KIAA1671: variants seen among roughly 807,000 people sequenced by gnomAD.
KIAA1671 encodes KIAA1671.
KIAA1671 carries 52 observed loss-of-function variants against 131.2 expected under a neutral mutation model. That is an observed-to-expected ratio of 0.40 (90% confidence interval 0.32 to 0.50). The LOEUF is 0.50. KIAA1671 is among the 20% of genes least tolerant of loss of function. KIAA1671 has a pLI of 0.73. For synonymous variants in KIAA1671, 1,003 were observed against 961.6 expected, an observed-to-expected ratio of 1.04 and a Z score of -0.80; for missense variants, 2,360 against 2,364.2, an observed-to-expected ratio of 1.00 and a Z score of 0.04.
chr22:25,121,566 C>T (rs1018436953), intron 6 of KIAA1671, among the ~76,000 whole-genome samples: 1 of 152,094 alleles, frequency 6.6e-6, no homozygotes, highest in East Asian at 1.9e-4. Context: ...TTAACAACCC[C>T]GTCTTCTTGG....
chr22:25,032,162 C>A lies in KIAA1671; in HGVS notation c.1542-447C>A, dbSNP rs1926329961. Among the ~76,000 whole-genome samples, 2 of 152,218 alleles carry A rather than the reference C, an allele frequency of 1.3e-5. 1 individual carries two copies. The highest frequency in any genetic ancestry group is 2.9e-5 in the Non-Finnish European group (2 of 68,044). ...TGGGGGCTGCTCTGAGGTGGGGCTG[C>A]TGTTTTACCTGGCACTGCTAACAAC... On this transcript the variant is annotated intron_variant, in intron 3 of 12. Coordinates refer to ENST00000358431, the MANE Select transcript of KIAA1671 (RefSeq NM_001145206.2).
At chr22:25,104,641 C>A (rs369804181) in intron 6 of KIAA1671, among the ~76,000 whole-genome samples, 12 of 152,312 alleles carry the variant, frequency 7.9e-5, no homozygotes, top group Middle Eastern at 3.4e-3. Context: ...TTCCCTGTGA[C>A]CTTCTTTCCT....
At chr22:25,179,809 C>CT (rs1476826661) in intron 9 of KIAA1671, among the ~76,000 whole-genome samples, 1 of 152,156 alleles carries the variant, frequency 6.6e-6, no homozygotes, top group East Asian at 1.9e-4. Context: ...GCTCGCTGGT[C>CT]TTTTTTCTGT....
intron 9 of KIAA1671, among the ~76,000 whole-genome samples, chr22:25,178,092 C>T (rs1348187655): frequency 2.6e-5 from 4 of 152,094 alleles, no homozygotes; most frequent in Admixed American, 2.6e-4. Flanking sequence ...AGCAAGGGGT[C>T]GGGCAGCAGC....
intron 1 of KIAA1671, among the ~76,000 whole-genome samples, chr22:24,954,203 C>A (rs1483971959): frequency 6.6e-6 from 1 of 152,198 alleles, no homozygotes; most frequent in African/African-American, 2.4e-5. Context: ...TCCCCCCTTG[C>A]AGAGAGAAGC....
chr22:25,014,800 G>A (rs1427719523), intron 1 of KIAA1671: 1 of 152,132 alleles, frequency 6.6e-6, no homozygotes, highest in Non-Finnish European at 1.5e-5. Context: ...GGAGGGGTGA[G>A]GCTCAGCCAG....
At chr22:24,961,723 A>G (rs967806669) in intron 1 of KIAA1671, among the ~76,000 whole-genome samples, 4 of 152,248 alleles carry the variant, frequency 2.6e-5, no homozygotes, top group Non-Finnish European at 5.9e-5. Flanking sequence ...CCTGACATCA[A>G]TGAGTTGAAG....
chr22:25,166,079 A>G (rs534493316), intron 6 of KIAA1671, among the ~76,000 whole-genome samples: 3 of 152,372 alleles, frequency 2.0e-5, no homozygotes, highest in African/African-American at 7.2e-5. Context: ...TGAGAAGCAC[A>G]TACAGGGCGA....
At position 24,994,375 on chromosome 22, in the gene KIAA1671, T is replaced by C. The variant is rs186396869; in HGVS notation, c.-207-31258T>C. Among the ~76,000 whole-genome samples the C allele has an allele frequency of 6.8e-3, 1,028 of 152,252 alleles. 10 individuals are homozygous for C. Among genetic ancestry groups the C allele is most frequent in the African/African-American group, 0.023 (937 of 41,546 alleles). On this transcript the variant is annotated intron_variant, in intron 1 of 12. Coordinates refer to ENST00000358431, the MANE Select transcript of KIAA1671 (RefSeq NM_001145206.2). ...AGGGTGAGATAAGGAGCAGGTTACC[T>C]TGGGGAACAGCTGGGGCTCAGCTGT...
rs189916109 is a variant in KIAA1671, at chr22:25,110,414, A to G, written c.4531-60406A>G. ...ACAGAGCCCTGACTCTGGGCCAGGT[A>G]CCATGTCAGACCTGGGAAAACCTGG... On this transcript the variant is annotated intron_variant, in intron 6 of 12. Transcript: ENST00000358431. 1.4e-3 allele frequency among the ~76,000 whole-genome samples: 212 copies of G among 152,306 alleles called. 2 individuals carry two copies. Among genetic ancestry groups the G allele is most frequent in the Middle Eastern group, 6.8e-3 (2 of 294 alleles).
intron 6 of KIAA1671, among the ~76,000 whole-genome samples, chr22:25,128,694 C>T (rs2145940414): frequency 1.3e-5 from 2 of 152,254 alleles, no homozygotes; most frequent in East Asian, 3.9e-4. Context: ...AGCCCCATCT[C>T]TTTGCACCCC....
At chr22:24,972,369 A>T (rs1922663920) in intron 1 of KIAA1671, among the ~76,000 whole-genome samples, 1 of 152,206 alleles carries the variant, frequency 6.6e-6, no homozygotes, top group East Asian at 1.9e-4. Context: ...TCTTCTGTCT[A>T]CCGTATAGCT....
chr22:24,954,091 A>G (rs1215014892), intron 1 of KIAA1671, among the ~76,000 whole-genome samples: 1 of 152,096 alleles, frequency 6.6e-6, no homozygotes, highest in African/African-American at 2.4e-5. Flanking sequence ...GCCTTACAGT[A>G]TCTAAAGATT....
chr22:25,079,109 C>T (rs940701813), intron 6 of KIAA1671, among the ~76,000 whole-genome samples: 2 of 152,114 alleles, frequency 1.3e-5, no homozygotes, highest in Admixed American at 6.5e-5. Context: ...TGGTGGCAGC[C>T]GATGCTGGTG....
At chr22:25,136,494 G>A (rs188670487) in intron 6 of KIAA1671, among the ~76,000 whole-genome samples, 15 of 152,262 alleles carry the variant, frequency 9.9e-5, no homozygotes, top group Admixed American at 2.6e-4. Context: ...TTGGCATCAC[G>A]CAAACAGCCC....
chr22:25,067,813 G>A (rs140164500), intron 6 of KIAA1671, among the ~76,000 whole-genome samples: 286 of 152,336 alleles, frequency 1.9e-3, no homozygotes, highest in African/African-American at 6.1e-3. Context: ...GAAAGGCCCT[G>A]GCGGGCCCCT....
At chr22:25,168,768 A>AGG (rs1933737494) in intron 6 of KIAA1671, among the ~76,000 whole-genome samples, 1 of 151,520 alleles carries the variant, frequency 6.6e-6, no homozygotes. Context: ...ATGGATAGGG[A>AGG]GGTGGAATGA....
intron 5 of KIAA1671, chr22:25,048,926 C>G (rs1927386888): frequency 3.0e-6 from 1 of 328,160 alleles, no homozygotes; most frequent in Admixed American, 4.4e-5. Flanking sequence ...ATTCCATGTG[C>G]TGTTTCTTAG....
rs757265615 is a variant in KIAA1671, at chr22:25,181,758, A to AGGACCCCTGTCAGCCATCCTC, written c.5135_5155dup (p.Arg1712_Pro1718dup). 8 of 1,551,628 alleles carry AGGACCCCTGTCAGCCATCCTC rather than the reference A, an allele frequency of 5.2e-6. No homozygotes were observed. Among genetic ancestry groups the AGGACCCCTGTCAGCCATCCTC allele is most frequent in the Middle Eastern group, 1.7e-4 (1 of 5,992 alleles). ...GGAGGAGACGGCATCCAAAGCTGAG[A>AGGACCCCTGTCAGCCATCCTC]GGACCCCTGTCAGCCATCCTCAGAG... On this transcript the variant is annotated inframe_insertion, in exon 10 of 13. Transcript: ENST00000358431.
Sources: gnomAD v4.1 joint callset for allele counts (sites outside exome capture counted in the v4.1 genomes callset) on GRCh38, gnomAD v4.1.1 for gene constraint, MANE v1.5 for transcripts, NCBI Gene and HGNC (gene_info 2026-07-23, HGNC 2026-07-21) for gene names.